Variants in ZNF461 observed in about 807,000 individuals in gnomAD.
The protein encoded by ZNF461 is zinc finger protein 461.
In ZNF461, 16 loss-of-function variants were observed where a neutral mutation model predicts 18.3. The ratio of observed to expected loss-of-function variants is 0.88; its 90% confidence interval spans 0.59 to 1.33. ZNF461 has a LOEUF of 1.33. Among genes scored for constraint, ZNF461 ranks in the 40% most tolerant of loss-of-function variants. The pLI is 0.00. For synonymous variants in ZNF461, 179 were observed against 216.9 expected, an observed-to-expected ratio of 0.83 and a Z score of 1.54; for missense variants, 595 against 669.9, an observed-to-expected ratio of 0.89 and a Z score of 1.23.
At chr19:36,645,150 C>G (rs2037502079) in intron 4 of ZNF461, 1 of 152,416 alleles carries the variant, frequency 6.6e-6, no homozygotes, top group South Asian at 2.1e-4. Context: ...ATTGCTTGAG[C>G]CTGAGAGGTC....
chr19:36,642,769 G>T (rs1221659847), intron 5 of ZNF461, among the ~76,000 whole-genome samples: 1 of 147,940 alleles, frequency 6.8e-6, no homozygotes, highest in African/African-American at 2.5e-5. Flanking sequence ...GTGGGGGGGG[G>T]TGGGGCACAG....
chr19:36,666,314 G>A (rs997978161), intron 1 of ZNF461, among the ~76,000 whole-genome samples: 3 of 151,884 alleles, frequency 2.0e-5, no homozygotes, highest in Non-Finnish European at 4.4e-5. Flanking sequence ...GGCTGGTATC[G>A]AACTCCCGAC....
chr19:36,658,082 T>C (rs2037754785), intron 3 of ZNF461: 2 of 520,616 alleles, frequency 3.8e-6, no homozygotes, highest in East Asian at 3.2e-5. Context: ...GGAGTTATTA[T>C]AAGAAAGGAC....
intron 4 of ZNF461, among the ~76,000 whole-genome samples, chr19:36,649,055 A>G (rs1393423822): frequency 6.6e-6 from 1 of 152,198 alleles, no homozygotes; most frequent in Non-Finnish European, 1.5e-5. Flanking sequence ...TCAGATCTTT[A>G]CTAAATCTAA....
intron 4 of ZNF461, among the ~76,000 whole-genome samples, chr19:36,652,557 T>C (rs553452838): frequency 1.3e-5 from 2 of 151,014 alleles, no homozygotes; most frequent in East Asian, 3.9e-4. Flanking sequence ...GGAGAAAATC[T>C]TAAGGACCTT....
At chr19:36,662,454 AC>A (rs1249847895) in intron 2 of ZNF461, among the ~76,000 whole-genome samples, 1 of 149,208 alleles carries the variant, frequency 6.7e-6, no homozygotes, top group Non-Finnish European at 1.5e-5. Flanking sequence ...ATGGGGATTC[AC>A]CATGTTGACC....
At chr19:36,651,475 T>G (rs1455671823) in intron 4 of ZNF461, among the ~76,000 whole-genome samples, 4 of 151,778 alleles carry the variant, frequency 2.6e-5, no homozygotes, top group South Asian at 2.1e-4. Flanking sequence ...TAGGAATCTC[T>G]AAGAAAAAAA....
chr19:36,641,776 T>C (rs2037429003), intron 5 of ZNF461, among the ~76,000 whole-genome samples: 1 of 152,084 alleles, frequency 6.6e-6, no homozygotes, highest in Admixed American at 6.6e-5. Flanking sequence ...CATCTCTCCA[T>C]GCTTCTATTC....
At chr19:36,649,498 T>G (rs990012466) in intron 4 of ZNF461, among the ~76,000 whole-genome samples, 4 of 152,008 alleles carry the variant, frequency 2.6e-5, no homozygotes, top group African/African-American at 9.7e-5. Context: ...CCCAGCTAAT[T>G]TTTTGTATTT....
At chr19:36,652,541 A>G (rs1272951835) in intron 4 of ZNF461, among the ~76,000 whole-genome samples, 1 of 151,816 alleles carries the variant, frequency 6.6e-6, no homozygotes, top group Non-Finnish European at 1.5e-5. Flanking sequence ...TCTAAAAAAG[A>G]ACATTGGAGA....
At chr19:36,650,107 G>A (rs965469098) in intron 4 of ZNF461, among the ~76,000 whole-genome samples, 13 of 152,232 alleles carry the variant, frequency 8.5e-5, no homozygotes, top group Admixed American at 2.0e-4. Flanking sequence ...CCCAGAAGAC[G>A]GAGGGTCCAG....
chr19:36,651,023 A>G (rs2037616227), intron 4 of ZNF461, among the ~76,000 whole-genome samples: 1 of 151,624 alleles, frequency 6.6e-6, no homozygotes, highest in Non-Finnish European at 1.5e-5. Flanking sequence ...CGAGGTCAGG[A>G]GATCAAGACC....
Position 36,636,964 on chromosome 19 carries a change from G to C in ZNF461, c.*1689C>G, listed in dbSNP as rs1197967811. Among the ~76,000 whole-genome samples the C allele has an allele frequency of 1.3e-5, 2 of 152,126 alleles. No individual in the cohort carries two copies. Among genetic ancestry groups the C allele is most frequent in the Non-Finnish European group, 2.9e-5 (2 of 68,030 alleles). Reference sequence around the variant, plus strand: ...AGATAAGAGAGCAGGTCACACTCTGGTCATAGGAACGTGATGGCAATTAGG... The same window carrying C: ...AGATAAGAGAGCAGGTCACACTCTGCTCATAGGAACGTGATGGCAATTAGG... On this transcript the variant is annotated 3_prime_UTR_variant, in exon 6 of 6. Coordinates refer to ENST00000588268, the MANE Select transcript of ZNF461 (RefSeq NM_153257.5).
intron 3 of ZNF461, among the ~76,000 whole-genome samples, chr19:36,656,969 A>C (rs1045430705): frequency 6.6e-6 from 1 of 151,794 alleles, no homozygotes; most frequent in African/African-American, 2.4e-5. Context: ...ATAGGCGCAC[A>C]CCACTCTGCC....
intron 1 of ZNF461, among the ~76,000 whole-genome samples, chr19:36,665,354 C>G (rs905647972): frequency 1.3e-5 from 2 of 152,128 alleles, no homozygotes; most frequent in African/African-American, 4.8e-5. Context: ...CTGGAAACAT[C>G]CTGAAAAATA....
At chr19:36,662,557 G>T (rs1349425446) in intron 2 of ZNF461, among the ~76,000 whole-genome samples, 1 of 152,002 alleles carries the variant, frequency 6.6e-6, no homozygotes, top group Non-Finnish European at 1.5e-5. Flanking sequence ...GCCTGGCCAG[G>T]GTCCTGCTTT....
intron 4 of ZNF461, among the ~76,000 whole-genome samples, chr19:36,653,528 C>G (rs1009202436): frequency 1.3e-5 from 2 of 152,100 alleles, no homozygotes; most frequent in African/African-American, 4.8e-5. Flanking sequence ...ACTCACAGTT[C>G]CATGTGGCTG....
Position 36,643,806 on chromosome 19 carries a change from C to T in ZNF461, c.289G>A (p.Asp97Asn). 1 of 1,540,942 alleles carries T rather than the reference C, an allele frequency of 6.5e-7. No individual in the cohort carries two copies. The highest frequency in any genetic ancestry group is 1.2e-5 in the South Asian group (1 of 81,936). Residue 97 changes from aspartate to asparagine, a missense_variant, in exon 5 of 6, where the codon GAC becomes AAC. By Grantham distance (23) the Asp-to-Asn change is conservative (BLOSUM62 1). Coordinates refer to ENST00000588268, the MANE Select transcript of ZNF461 (RefSeq NM_153257.5). ...TATTTATTTATACCTGCATTTATGT[C>T]TGTAGCCTCATTATTGTCCAAGAAA... is the stretch of plus-strand genomic sequence containing the variant. ...NNFLDNNEAT[D>N]INADLASRDE... is the part of the protein sequence containing the mutation.
In ZNF461 at chr19:36,639,876, G is replaced by T; in HGVS notation, c.469C>A (p.Gln157Lys). The T allele has an allele frequency of 6.2e-7, 1 of 1,613,824 alleles. No homozygotes were observed. Among genetic ancestry groups the T allele is most frequent in the Non-Finnish European group, 8.5e-7 (1 of 1,179,860 alleles). ...AGTTGTCTAAAATAACCCTCCTCTTGTCCCTGATGTTGCTCAAAATGACAG... is the reference window on the plus strand; with the variant it reads ...AGTTGTCTAAAATAACCCTCCTCTTTTCCCTGATGTTGCTCAAAATGACAG... ...GNCHFEQHQG[Q>K]EEGYFRQLMI... is the part of the protein sequence containing the mutation. Residue 157 changes from glutamine (Q) to lysine (K), a missense_variant, in exon 6 of 6, where the codon CAA becomes AAA. Transcript: ENST00000588268.
Sources: allele counts gnomAD v4.1 joint callset (sites outside exome capture counted in the v4.1 genomes callset), GRCh38; gene constraint gnomAD v4.1.1; transcripts MANE v1.5; gene names NCBI Gene and HGNC (gene_info 2026-07-23, HGNC 2026-07-21).